RAPGEF2: variants seen among roughly 807,000 people sequenced by gnomAD.
The protein encoded by RAPGEF2 is Rap guanine nucleotide exchange factor 2.
RAPGEF2 carries 54 observed loss-of-function variants against 186.7 expected under a neutral mutation model. The observed-to-expected ratio is 0.29, with a 90% CI of 0.23 to 0.36. The LOEUF (loss-of-function observed/expected upper bound fraction) is 0.36, where lower values mean the gene tolerates loss of function less well. Ranked by LOEUF, RAPGEF2 falls within the 10% of genes least tolerant of loss-of-function variation. RAPGEF2 has a pLI of 1.00. For synonymous variants in RAPGEF2, 712 were observed against 705.9 expected, an observed-to-expected ratio of 1.01 and a Z score of -0.14; for missense variants, 1,532 against 2,045.0, an observed-to-expected ratio of 0.75 and a Z score of 4.84.
Position 159,323,502 on chromosome 4 carries a change from C to G in RAPGEF2, c.1034C>G (p.Thr345Ser). The G allele has an allele frequency of 6.2e-7, 1 of 1,612,358 alleles. No individual in the cohort carries two copies. Among genetic ancestry groups the G allele is most frequent in the Non-Finnish European group, 8.5e-7 (1 of 1,179,194 alleles). The change falls in exon 11 of 30, where the codon ACT (threonine) becomes AGT (serine). Residue 345 changes from threonine to serine, a missense_variant. By Grantham distance (58) the Thr-to-Ser change is moderately conservative. Around this residue, in one of 4 missense-constraint regions of RAPGEF2, gnomAD observed 810 missense variants for 1,210.5 expected, o/e 0.67. Coordinates refer to ENST00000691494, the MANE Select transcript of RAPGEF2 (RefSeq NM_001394067.2). ...SVILNGSVEV[T>S]YPDGKAEILC... ...ATTCTCAATGGATCTGTGGAAGTGA[C>G]TTATCCAGATGGAAAAGCAGAAATA...
At chr4:159,236,064 A>G (rs1466050466) in intron 4 of RAPGEF2, among the ~76,000 whole-genome samples, 2 of 152,216 alleles carry the variant, frequency 1.3e-5, no homozygotes, top group Non-Finnish European at 2.9e-5. Context: ...GAGTAAATGA[A>G]GTAACATATT....
chr4:159,192,829 T>A (rs1246367204), intron 2 of RAPGEF2, among the ~76,000 whole-genome samples: 2 of 152,224 alleles, frequency 1.3e-5, no homozygotes, highest in Admixed American at 1.3e-4. Flanking sequence ...TTATCACTTT[T>A]AAAATCAATA....
chr4:159,270,626 G>A (rs1416401746), intron 7 of RAPGEF2, among the ~76,000 whole-genome samples: 2 of 151,968 alleles, frequency 1.3e-5, no homozygotes, highest in Non-Finnish European at 2.9e-5. Flanking sequence ...AGATCTCATG[G>A]GCTTTATTCT....
intron 1 of RAPGEF2, among the ~76,000 whole-genome samples, chr4:159,108,569 G>A (rs891320463): frequency 2.0e-5 from 3 of 151,896 alleles, no homozygotes; most frequent in East Asian, 3.9e-4. Context: ...TATTGTTTGC[G>A]TCATAAGAAA....
intron 7 of RAPGEF2, among the ~76,000 whole-genome samples, chr4:159,253,341 A>G (rs145502519): frequency 1.3e-3 from 201 of 152,330 alleles, no homozygotes; most frequent in African/African-American, 4.6e-3. Flanking sequence ...ACTTATGCAT[A>G]CTTTTGTAAC....
intron 11 of RAPGEF2, chr4:159,329,081 CTT>C (rs894786318): frequency 2.6e-5 from 4 of 152,042 alleles, no homozygotes; most frequent in African/African-American, 9.7e-5. Flanking sequence ...CGAATGATCT[CTT>C]GTCTCCTCAC....
intron 1 of RAPGEF2, among the ~76,000 whole-genome samples, chr4:159,186,197 G>T (rs924567546): frequency 6.6e-6 from 1 of 151,360 alleles, no homozygotes; most frequent in African/African-American, 2.4e-5. Flanking sequence ...TGTAATTTTG[G>T]TAAGAATTGA....
intron 1 of RAPGEF2, among the ~76,000 whole-genome samples, chr4:159,113,952 T>C (rs1298926866): frequency 6.9e-6 from 1 of 145,724 alleles, no homozygotes. Flanking sequence ...AATAGTAACG[T>C]TTATTTTATT....
At chr4:159,165,455 C>A (rs1300600154) in intron 1 of RAPGEF2, among the ~76,000 whole-genome samples, 1 of 152,034 alleles carries the variant, frequency 6.6e-6, no homozygotes, top group Non-Finnish European at 1.5e-5. Flanking sequence ...ATCTATATAT[C>A]TCTATCTGTA....
intron 7 of RAPGEF2, among the ~76,000 whole-genome samples, chr4:159,302,719 C>T (rs1000955057): frequency 2.0e-5 from 3 of 151,956 alleles, no homozygotes; most frequent in Non-Finnish European, 2.9e-5. Flanking sequence ...AGGTATTTGC[C>T]TATCCCTTAC....
chr4:159,335,617 G>A (rs1767295903), intron 17 of RAPGEF2, among the ~76,000 whole-genome samples: 1 of 152,088 alleles, frequency 6.6e-6, no homozygotes, highest in African/African-American at 2.4e-5. Flanking sequence ...GGAGGCCGAG[G>A]CGGTCGGATC....
Position 159,355,879 on chromosome 4 carries a change from C to CCCCCCCCCCCCCCCCCCCCCCA in RAPGEF2, c.4682_4683insCCCCCCCCCCCCCCCCCACCCC (p.Thr1563ProfsTer19). 6.6e-7 allele frequency: 1 copy of CCCCCCCCCCCCCCCCCCCCCCA among 1,525,662 alleles called. No individual in the cohort carries two copies. Among genetic ancestry groups the CCCCCCCCCCCCCCCCCCCCCCA allele is most frequent in the Non-Finnish European group, 8.9e-7 (1 of 1,125,684 alleles). The allele number at this position is 1,525,662 out of a possible 1,614,324, so 94.5% of individuals were successfully genotyped here. A position where few individuals can be genotyped will look rare whatever the true frequency, so the allele number is the denominator to read the frequency against. Reference sequence around the variant, plus strand: ...ACGAAAGGAGGGCAGGTATCGAGAGCCCCCGCCCACCCCTCCCGGCTACAT... The same window carrying CCCCCCCCCCCCCCCCCCCCCCA: ...ACGAAAGGAGGGCAGGTATCGAGAGCCCCCCCCCCCCCCCCCCCCCCACCCCGCCCACCCCTCCCGGCTACAT... On this transcript the variant is annotated frameshift_variant, in exon 29 of 30. Coordinates refer to ENST00000691494, the MANE Select transcript of RAPGEF2 (RefSeq NM_001394067.2). LOFTEE classifies it high-confidence loss of function.
At chr4:159,346,167 A>C (rs981131803) in intron 24 of RAPGEF2, among the ~76,000 whole-genome samples, 8 of 152,344 alleles carry the variant, frequency 5.3e-5, no homozygotes, top group Admixed American at 3.3e-4. Flanking sequence ...AAAGGGAGGA[A>C]GCATACATAT....
intron 4 of RAPGEF2, among the ~76,000 whole-genome samples, chr4:159,233,992 C>T (rs923648493): frequency 3.3e-5 from 5 of 151,896 alleles, no homozygotes; most frequent in Non-Finnish European, 7.4e-5. Context: ...AAATTAGGGC[C>T]CCCTGAATTT....
At chr4:159,277,006 A>G (rs990050586) in intron 7 of RAPGEF2, among the ~76,000 whole-genome samples, 7 of 152,044 alleles carry the variant, frequency 4.6e-5, no homozygotes, top group African/African-American at 1.7e-4. Flanking sequence ...CATGTGTCAT[A>G]TTGGTGTGCT....
chr4:159,104,537 A>G lies in RAPGEF2; in HGVS notation c.69+306A>G, dbSNP rs1365398540. The stretch of plus-strand genomic sequence containing the variant: ...GAGAGAGAGAGAGAGGGAGAGACAG[A>G]GAGAGAGAGAGAGAGAGTGTGTGTG... On this transcript the variant is annotated intron_variant, in intron 1 of 29. Transcript: ENST00000691494. Among the ~76,000 whole-genome samples the G allele has an allele frequency of 8.0e-4, 84 of 105,618 alleles. 2 individuals are homozygous for G. The highest frequency in any genetic ancestry group is 3.8e-3 in the African/African-American group (81 of 21,284). The allele number at this position is 105,618 out of a possible 152,430, so 69.3% of individuals were successfully genotyped here.
At position 159,348,405 on chromosome 4, in the gene RAPGEF2, C is replaced by T. The variant is rs578197758; in HGVS notation, c.3712+1407C>T. On this transcript the variant is annotated intron_variant, in intron 25 of 29. Coordinates refer to ENST00000691494, the MANE Select transcript of RAPGEF2 (RefSeq NM_001394067.2). ...TGTATGGCTTGGGTGAGAGTCATTT[C>T]GTAGACCCCTCACGTACTCTGTATC... is the stretch of plus-strand genomic sequence containing the variant. Among the ~76,000 whole-genome samples the T allele has an allele frequency of 2.1e-4, 32 of 152,252 alleles. No individual in the cohort carries two copies. The East Asian group carries it at 5.8e-3, about 28-fold the overall frequency.
At chr4:159,166,493 G>C (rs995654626) in intron 1 of RAPGEF2, among the ~76,000 whole-genome samples, 2 of 152,164 alleles carry the variant, frequency 1.3e-5, no homozygotes, top group Non-Finnish European at 2.9e-5. Context: ...TACCTCTGCT[G>C]TGGGATTTTA....
intron 1 of RAPGEF2, among the ~76,000 whole-genome samples, chr4:159,165,839 A>G (rs1237411518): frequency 6.6e-6 from 1 of 152,150 alleles, no homozygotes; most frequent in Non-Finnish European, 1.5e-5. Context: ...GCAGTCCTCC[A>G]GCCTCTGCCT....
Sources: gnomAD v4.1 joint callset for allele counts (sites outside exome capture counted in the v4.1 genomes callset) on GRCh38, gnomAD v4.1.1 for gene constraint, gnomAD v4.1.1 regional missense constraint, MANE v1.5 for transcripts, NCBI Gene and HGNC (gene_info 2026-07-23, HGNC 2026-07-21) for gene names.